Variants in DENND2C observed in about 807,000 individuals in gnomAD.
The protein encoded by DENND2C is DENN domain-containing protein 2C.
A neutral mutation model predicts 112.4 loss-of-function variants in DENND2C; 72 were observed. The observed-to-expected ratio is 0.64, with a 90% CI of 0.53 to 0.78. DENND2C has a LOEUF of 0.78. DENND2C is among the 30% of genes least tolerant of loss of function. DENND2C has a pLI of 0.00. For synonymous variants in DENND2C, 329 were observed against 381.6 expected (o/e 0.86, Z 1.61); for missense variants, 992 against 1,113.8 (o/e 0.89, Z 1.56).
At chr1:114,614,912 G>T (rs568523182) in intron 8 of DENND2C, among the ~76,000 whole-genome samples, 5 of 152,014 alleles carry the variant, frequency 3.3e-5, no homozygotes, top group Non-Finnish European at 5.9e-5. Flanking sequence ...TACTCGGGAG[G>T]CTGAGGCAGG....
At chr1:114,592,174 C>T (rs1228581938) in intron 18 of DENND2C, among the ~76,000 whole-genome samples, 3 of 152,020 alleles carry the variant, frequency 2.0e-5, no homozygotes, top group Non-Finnish European at 4.4e-5. Flanking sequence ...TGTGAGCCAC[C>T]GTGCCCGGCC....
At chr1:114,650,323 TAA>T (rs59883727) in intron 2 of DENND2C, among the ~76,000 whole-genome samples, 3 of 140,336 alleles carry the variant, frequency 2.1e-5, no homozygotes, top group Admixed American at 1.4e-4. Context: ...AATTCTGTCT[TAA>T]AAAAAAAAAA....
chr1:114,634,820 G>A (rs1656604458), intron 3 of DENND2C, among the ~76,000 whole-genome samples: 1 of 151,886 alleles, frequency 6.6e-6, no homozygotes, highest in Non-Finnish European at 1.5e-5. Flanking sequence ...CTGAAGTTAG[G>A]AGTTCAACAC....
chr1:114,656,547 C>A (rs532830070), intron 1 of DENND2C, among the ~76,000 whole-genome samples: 2 of 151,780 alleles, frequency 1.3e-5, no homozygotes, highest in South Asian at 2.1e-4. Flanking sequence ...CAGGCATGCA[C>A]CACCACGCCC....
chr1:114,595,849 C>T lies in DENND2C; in HGVS notation c.2308G>A (p.Asp770Asn). Reference sequence around the variant, plus strand: ...GCACTCACCTCCTGTAAGAACTTGTCTGCACAGAGATCAACTATCAGCACC... The same window carrying T: ...GCACTCACCTCCTGTAAGAACTTGTTTGCACAGAGATCAACTATCAGCACC... ...EEVLIVDLCA[D>N]KFLQEVSDED... The change falls in exon 17 of 21, where the codon GAC (aspartate) becomes AAC (asparagine). Residue 770 changes from aspartate to asparagine, a missense_variant. Physicochemically the swap from Asp to Asn is conservative, Grantham distance 23. Transcript: ENST00000393274. 1 of 1,613,958 alleles carries T rather than the reference C, an allele frequency of 6.2e-7. No homozygotes were observed. Among genetic ancestry groups the T allele is most frequent in the African/African-American group, 1.3e-5 (1 of 75,032 alleles).
At chr1:114,608,263 C>T (rs1370463453) in intron 10 of DENND2C, among the ~76,000 whole-genome samples, 2 of 150,502 alleles carry the variant, frequency 1.3e-5, no homozygotes, top group Admixed American at 6.6e-5. Flanking sequence ...AGCAAGACTC[C>T]ATCTAAAAAA....
rs1655328919 is a variant in DENND2C, at chr1:114,595,873, C to T, written c.2284G>A (p.Val762Met). The T allele has an allele frequency of 1.7e-5, 28 of 1,613,702 alleles. No homozygotes were observed. The highest frequency in any genetic ancestry group is 2.3e-5 in the Non-Finnish European group (27 of 1,179,854). Residue 762 changes from valine (V) to methionine (M), a missense_variant and splice_region_variant, in exon 17 of 21, where the codon GTG (valine) becomes ATG (methionine). Val to Met is a conservative substitution (Grantham distance 21). This residue lies in a region of DENND2C where 516 missense variants were observed against 623.6 expected (regional missense o/e 0.83). Transcript: ENST00000393274. ...PQLQDLPIEE[V>M]LIVDLCADKF... Reference sequence around the variant, plus strand: ...TCTGCACAGAGATCAACTATCAGCACCTATGAAATAAAGGAGCCAGGCAAG... The same window carrying T: ...TCTGCACAGAGATCAACTATCAGCATCTATGAAATAAAGGAGCCAGGCAAG...
chr1:114,632,419 T>A (rs547768100), intron 3 of DENND2C, among the ~76,000 whole-genome samples: 1 of 151,226 alleles, frequency 6.6e-6, no homozygotes, highest in African/African-American at 2.4e-5. Flanking sequence ...AGAAAAAAAA[T>A]ATATATACAG....
At chr1:114,619,488 A>T (rs1163025935) in intron 7 of DENND2C, among the ~76,000 whole-genome samples, 1 of 152,156 alleles carries the variant, frequency 6.6e-6, no homozygotes, top group East Asian at 1.9e-4. Context: ...ACAGGCAATG[A>T]ATCAGTCCAG....
intron 18 of DENND2C, among the ~76,000 whole-genome samples, chr1:114,593,121 C>T (rs375081398): frequency 1.6e-3 from 239 of 152,252 alleles, no homozygotes; most frequent in African/African-American, 5.4e-3. Context: ...GTGTGAGCCA[C>T]TGTACCTGCC....
chr1:114,588,552 A>G (rs1655104644), intron 18 of DENND2C: 1 of 152,688 alleles, frequency 6.5e-6, no homozygotes, highest in Non-Finnish European at 1.5e-5. Flanking sequence ...CTCATCTTCT[A>G]CATTTTCAGG....
chr1:114,635,695 G>A lies in DENND2C; in HGVS notation c.-204-9507C>T, dbSNP rs115566136. On this transcript the variant is annotated intron_variant, in intron 3 of 20. Coordinates refer to ENST00000393274, the MANE Select transcript of DENND2C (RefSeq NM_001256404.2). ...AATAATATAACTCATGAACATAAAT[G>A]CAAAAGTCCCTCTAAAATATTAGTA... 6.0e-3 allele frequency among the ~76,000 whole-genome samples: 917 copies of A among 152,194 alleles called. 15 individuals carry two copies. The highest frequency in any genetic ancestry group is 0.021 in the African/African-American group (864 of 41,528).
intron 16 of DENND2C, among the ~76,000 whole-genome samples, chr1:114,597,259 C>T (rs956155762): frequency 1.3e-5 from 2 of 151,806 alleles, no homozygotes; most frequent in African/African-American, 4.8e-5. Flanking sequence ...GCCTGGCCAA[C>T]ATGGTGAAAC....
intron 1 of DENND2C, among the ~76,000 whole-genome samples, chr1:114,663,298 G>T (rs997819515): frequency 6.6e-6 from 1 of 152,108 alleles, no homozygotes; most frequent in Non-Finnish European, 1.5e-5. Context: ...TCACTGAAGC[G>T]AAAAGATCAA....
intron 1 of DENND2C, among the ~76,000 whole-genome samples, chr1:114,665,568 CAT>C (rs1657625661): frequency 6.6e-6 from 1 of 152,166 alleles, no homozygotes. Context: ...AAGTTTATCA[CAT>C]GTTGACTAAC....
chr1:114,600,269 A>G lies in DENND2C; in HGVS notation c.2040T>C (p.His680=), dbSNP rs1655463435. 1 of 1,614,002 alleles carries G rather than the reference A, an allele frequency of 6.2e-7. No individual in the cohort carries two copies. Among genetic ancestry groups the G allele is most frequent in the African/African-American group, 1.3e-5 (1 of 74,930 alleles). Residue 680 remains histidine (H), a synonymous_variant, in exon 15 of 21, where the codon CAT becomes CAC. Coordinates refer to ENST00000393274, the MANE Select transcript of DENND2C (RefSeq NM_001256404.2). Reference sequence around the variant, plus strand: ...GGAGAGAGGCACAGACCCGGATGAGATGACACACACTCAGGCACTTAAAGA... The same window carrying G: ...GGAGAGAGGCACAGACCCGGATGAGGTGACACACACTCAGGCACTTAAAGA... ...KCLFKCLSVC[H]LIRVCASLLL...
Position 114,587,876 on chromosome 1 carries a change from G to A in DENND2C, c.2508C>T (p.Asn836=). Residue 836 remains asparagine, a synonymous_variant, in exon 19 of 21, where the codon AAC becomes AAT. Transcript: ENST00000393274. ...GCTCCCCACGCTCAGTGACAGTCAT[G>A]TTCAAAGAATAATGTCCTACCAACT... ...FVELVGHYSL[N]MTVTERGERV... is the part of the protein sequence containing the mutation. The A allele has an allele frequency of 6.2e-7, 1 of 1,614,132 alleles. No individual in the cohort carries two copies. The highest frequency in any genetic ancestry group is 8.5e-7 in the Non-Finnish European group (1 of 1,180,034).
At chr1:114,587,185 A>T in intron 20 of DENND2C, 1 of 592,028 alleles carries the variant, frequency 1.7e-6, no homozygotes, top group South Asian at 1.9e-5. Flanking sequence ...TACAGGCATA[A>T]GCCACCATGC....
rs1257238991 is a variant in DENND2C, at chr1:114,646,654, C to G, written c.-316-1095G>C. ...GATCATTCCTTATATAAAGTCTGAT[C>G]CAGAGAAAGCACCAGTGTCAAACTG... On this transcript the variant is annotated intron_variant, in intron 2 of 20. Coordinates refer to ENST00000393274, the MANE Select transcript of DENND2C (RefSeq NM_001256404.2). Among the ~76,000 whole-genome samples the G allele has an allele frequency of 2.0e-5, 3 of 152,020 alleles. No individual in the cohort carries two copies. In the East Asian group the frequency reaches 5.8e-4, roughly 29 times the overall value.
Sources: gnomAD v4.1 joint callset for allele counts (sites outside exome capture counted in the v4.1 genomes callset) on GRCh38, gnomAD v4.1.1 for gene constraint, gnomAD v4.1.1 regional missense constraint, MANE v1.5 for transcripts, NCBI Gene and HGNC (gene_info 2026-07-23, HGNC 2026-07-21) for gene names.